KIF3B: variants seen among roughly 807,000 people sequenced by gnomAD.
KIF3B encodes the protein kinesin family member 3B.
Under a neutral mutation model 74.3 loss-of-function variants are expected in KIF3B, and 38 were observed. That is an observed-to-expected ratio of 0.51 (90% confidence interval 0.39 to 0.67). The LOEUF is 0.67. Ranked by LOEUF, KIF3B falls within the 30% of genes least tolerant of loss-of-function variation. The probability of loss-of-function intolerance (pLI) is 0.00; values close to 1 mark genes in which losing one functional copy is unlikely to be tolerated. For missense variants in KIF3B, 649 were observed against 932.0 expected, an observed-to-expected ratio of 0.70 and a Z score of 3.95; for synonymous variants, 326 against 342.5, an observed-to-expected ratio of 0.95 and a Z score of 0.53.
Position 32,304,767 on chromosome 20 carries a change from C to T in KIF3B, c.-65-4946C>T, listed in dbSNP as rs191726604. Among the ~76,000 whole-genome samples the T allele has an allele frequency of 1.2e-4, 18 of 151,144 alleles. No individual in the cohort carries two copies. The East Asian group carries it at 3.5e-3, about 30-fold the overall frequency. ...TCTAATAACACTTGTCTGTGAGCAG[C>T]AGAACAGGGTGGCTAGAGAGCAGGT... is the stretch of plus-strand genomic sequence containing the variant. On this transcript the variant is annotated intron_variant, in intron 1 of 8. Transcript: ENST00000375712.
chr20:32,311,802 CTTT>C (rs771615918), intron 2 of KIF3B, among the ~76,000 whole-genome samples: 2 of 132,122 alleles, frequency 1.5e-5, no homozygotes, highest in Admixed American at 7.6e-5. Context: ...ATCCATTTTT[CTTT>C]TTTTTTTTTT....
At chr20:32,291,492 A>G (rs1487275930) in intron 1 of KIF3B, among the ~76,000 whole-genome samples, 1 of 152,144 alleles carries the variant, frequency 6.6e-6, no homozygotes, top group Non-Finnish European at 1.5e-5. Context: ...TTATCTGAAA[A>G]TATTCTTGTT....
intron 7 of KIF3B, among the ~76,000 whole-genome samples, chr20:32,329,160 G>T (rs756496014): frequency 2.0e-5 from 3 of 151,720 alleles, no homozygotes; most frequent in Non-Finnish European, 4.4e-5. Context: ...CACCCACCTC[G>T]GCCTCCCAGA....
intron 5 of KIF3B, among the ~76,000 whole-genome samples, chr20:32,325,436 CA>C (rs1186431334): frequency 2.1e-4 from 32 of 151,670 alleles, no homozygotes; most frequent in Middle Eastern, 3.2e-3. Context: ...GTGATCCACC[CA>C]CCTCGGCCTC....
intron 1 of KIF3B, among the ~76,000 whole-genome samples, chr20:32,290,749 T>C (rs961719033): frequency 6.6e-6 from 1 of 151,966 alleles, no homozygotes; most frequent in Non-Finnish European, 1.5e-5. Flanking sequence ...TATGGTGGCA[T>C]GTACCTGTAG....
chr20:32,285,784 C>T (rs2047664992), intron 1 of KIF3B, among the ~76,000 whole-genome samples: 1 of 152,206 alleles, frequency 6.6e-6, no homozygotes, highest in African/African-American at 2.4e-5. Flanking sequence ...ACTGAGCTTT[C>T]TCCCAGACCT....
Position 32,309,852 on chromosome 20 carries a change from T to C in KIF3B, c.75T>C (p.Ala25=), listed in dbSNP as rs920431023. 6.2e-7 allele frequency: 1 copy of C among 1,614,040 alleles called. No individual in the cohort carries two copies. Among genetic ancestry groups the C allele is most frequent in the Non-Finnish European group, 8.5e-7 (1 of 1,180,042 alleles). The part of the protein sequence containing the change: ...RCRPMNGKEK[A]ASYDKVVDVD... ...GGCCCATGAATGGCAAGGAAAAGGCTGCTTCGTATGACAAAGTGGTGGATG... is the reference window on the plus strand; with the variant it reads ...GGCCCATGAATGGCAAGGAAAAGGCCGCTTCGTATGACAAAGTGGTGGATG... Residue 25 remains alanine, a synonymous_variant, in exon 2 of 9, where the codon GCT becomes GCC. Coordinates refer to ENST00000375712, the MANE Select transcript of KIF3B (RefSeq NM_004798.4).
Position 32,331,216 on chromosome 20 carries a change from T to G in KIF3B, c.2148-7T>G. On this transcript the variant is annotated splice_region_variant and splice_polypyrimidine_tract_variant and intron_variant, in intron 8 of 8. Coordinates refer to ENST00000375712, the MANE Select transcript of KIF3B (RefSeq NM_004798.4). ...ATGTAATATAAACATGTGTTTGACT[T>G]TTGCAGGCCTAAAAGTGGAAGGAAG... is the stretch of plus-strand genomic sequence containing the variant. 1 of 1,611,084 alleles carries G rather than the reference T, an allele frequency of 6.2e-7. No individual in the cohort carries two copies.
At chr20:32,307,809 C>G (rs2047779054) in intron 1 of KIF3B, among the ~76,000 whole-genome samples, 1 of 150,938 alleles carries the variant, frequency 6.6e-6, no homozygotes, top group Non-Finnish European at 1.5e-5. Flanking sequence ...GTCCCAGTTA[C>G]TCGGGAGGCT....
intron 1 of KIF3B, among the ~76,000 whole-genome samples, chr20:32,285,381 G>A (rs954133064): frequency 3.3e-5 from 5 of 152,182 alleles, no homozygotes; most frequent in Admixed American, 3.3e-4. Flanking sequence ...AGTGGATAAA[G>A]TCCCATATAA....
intron 1 of KIF3B, among the ~76,000 whole-genome samples, chr20:32,299,403 A>ATATTTTT (rs1555895046): frequency 1.1e-4 from 1 of 9,026 alleles, no homozygotes; most frequent in Non-Finnish European, 1.7e-4. Flanking sequence ...ATATATATAT[A>ATATTTTT]TTTTTTTTTT....
At chr20:32,303,195 G>A (rs1056748735) in intron 1 of KIF3B, among the ~76,000 whole-genome samples, 3 of 151,994 alleles carry the variant, frequency 2.0e-5, no homozygotes, top group African/African-American at 7.3e-5. Flanking sequence ...AGTTCTTATT[G>A]AACATCAATT....
At position 32,310,456 on chromosome 20, in the gene KIF3B, G is replaced by A. The variant is rs138197776; in HGVS notation, c.679G>A (p.Glu227Lys). 4.0e-5 allele frequency: 64 copies of A among 1,614,020 alleles called. No homozygotes were observed. The highest frequency in any genetic ancestry group is 3.9e-4 in the African/African-American group (29 of 75,036). ...TTTCGTTATCACTATTGAGTGCAGC[G>A]AGGTGGGCCTCGATGGTGAAAACCA... ...AIFVITIECS[E>K]VGLDGENHIR... is the part of the protein sequence containing the mutation. Residue 227 changes from glutamate (E) to lysine (K), a missense_variant, in exon 2 of 9, where the codon GAG becomes AAG. Glu to Lys is a moderately conservative substitution (Grantham distance 56). Coordinates refer to ENST00000375712, the MANE Select transcript of KIF3B (RefSeq NM_004798.4). The surrounding 1 kb of genome is among the most constrained non-coding windows in gnomAD (Gnocchi z 6.5).
At chr20:32,321,493 C>A (rs1440409637) in intron 5 of KIF3B, among the ~76,000 whole-genome samples, 1 of 151,350 alleles carries the variant, frequency 6.6e-6, no homozygotes, top group Non-Finnish European at 1.5e-5. Flanking sequence ...TCTGGACTTT[C>A]AATACTGTTC....
chr20:32,304,243 A>G (rs183301333), intron 1 of KIF3B, among the ~76,000 whole-genome samples: 2 of 152,318 alleles, frequency 1.3e-5, no homozygotes, highest in Admixed American at 1.3e-4. Context: ...TGTGAAGGGC[A>G]GTGGGGGAAT....
intron 1 of KIF3B, among the ~76,000 whole-genome samples, chr20:32,291,869 G>A (rs1283958988): frequency 1.3e-5 from 2 of 151,290 alleles, no homozygotes; most frequent in South Asian, 2.1e-4. Context: ...CACCCTCCTC[G>A]GCCTCCCAAA....
chr20:32,300,747 G>A (rs2047739508), intron 1 of KIF3B, among the ~76,000 whole-genome samples: 1 of 152,170 alleles, frequency 6.6e-6, no homozygotes, highest in African/African-American at 2.4e-5. Flanking sequence ...TAACCATGCT[G>A]CAGGAAGCAA....
chr20:32,311,294 A>G, intron 2 of KIF3B, 113 bp downstream of exon 2: 1 of 1,171,076 alleles, frequency 8.5e-7, no homozygotes, highest in Admixed American at 2.9e-5. Flanking sequence ...TCAGTTTTGG[A>G]TTTCCAACAG....
intron 1 of KIF3B, among the ~76,000 whole-genome samples, chr20:32,291,224 A>C (rs940578111): frequency 1.3e-5 from 2 of 152,336 alleles, no homozygotes; most frequent in East Asian, 3.9e-4. Flanking sequence ...TATACACTTA[A>C]AATGATTAAG....
Sources: gnomAD v4.1 joint callset for allele counts (sites outside exome capture counted in the v4.1 genomes callset) on GRCh38, gnomAD v4.1.1 for gene constraint, Gnocchi (gnomAD v3.1) non-coding constraint, MANE v1.5 for transcripts, NCBI Gene and HGNC (gene_info 2026-07-23, HGNC 2026-07-21) for gene names.